The following WDR17 variants were observed in gnomAD, a reference collection of about 807,000 sequenced individuals.
WDR17 encodes the protein WD repeat domain 17.
WDR17 carries 143 observed loss-of-function variants against 161.7 expected under a neutral mutation model. That is an observed-to-expected ratio of 0.88 (90% CI 0.77 to 1.02). WDR17 has a LOEUF of 1.02. Ranked by LOEUF, WDR17 falls within the 50% of genes least tolerant of loss-of-function variation. The pLI is 0.00. For synonymous variants in WDR17, 517 were observed against 515.6 expected (o/e 1.00, Z -0.04); for missense variants, 1,469 against 1,520.9 (o/e 0.97, Z 0.57).
chr4:176,072,638 T>C (rs1196824746), intron 1 of WDR17, among the ~76,000 whole-genome samples: 2 of 152,216 alleles, frequency 1.3e-5, no homozygotes, highest in Non-Finnish European at 2.9e-5. Flanking sequence ...TCCTTTCATT[T>C]TTCTGCATTT....
chr4:176,095,689 T>C (rs575099588), intron 1 of WDR17, among the ~76,000 whole-genome samples: 1 of 152,202 alleles, frequency 6.6e-6, no homozygotes, highest in Non-Finnish European at 1.5e-5. Context: ...CCCTTCCTTC[T>C]TTCCTCGCTT....
At chr4:176,130,509 C>T (rs535476762) in intron 6 of WDR17, among the ~76,000 whole-genome samples, 6 of 152,196 alleles carry the variant, frequency 3.9e-5, no homozygotes, top group African/African-American at 9.6e-5. Flanking sequence ...CTTCGGGAGG[C>T]CAAGGCGGGC....
chr4:176,109,323 T>TA (rs879896575), intron 1 of WDR17, among the ~76,000 whole-genome samples: 173 of 145,070 alleles, frequency 1.2e-3, no homozygotes, highest in Middle Eastern at 3.5e-3. Flanking sequence ...TTACTAAGTG[T>TA]AAAAAAAAAA....
At chr4:176,073,906 T>C (rs1196080188) in intron 1 of WDR17, among the ~76,000 whole-genome samples, 1 of 150,672 alleles carries the variant, frequency 6.6e-6, no homozygotes, top group East Asian at 2.0e-4. Flanking sequence ...ATGTCTTCTT[T>C]TGAGAAATGT....
At chr4:176,156,058 C>A (rs1176680210) in intron 17 of WDR17, 21 bp from the exon 18 acceptor site, 1 of 1,611,940 alleles carries the variant, frequency 6.2e-7, no homozygotes, top group Admixed American at 1.7e-5. Context: ...ATGCTCCTGC[C>A]CTTTTTGCCT....
At chr4:176,163,406 T>C in intron 22 of WDR17, 113 bp downstream of exon 22, 1 of 1,176,410 alleles carries the variant, frequency 8.5e-7, no homozygotes, top group South Asian at 1.6e-5. Flanking sequence ...TCACCTTGTT[T>C]ATAAAGGATA....
At chr4:176,118,333 C>T (rs1052696193) in intron 3 of WDR17, among the ~76,000 whole-genome samples, 6 of 152,198 alleles carry the variant, frequency 3.9e-5, no homozygotes, top group Admixed American at 2.0e-4. Context: ...CTTTCCTCTA[C>T]TGTGCTGTGG....
chr4:176,168,585 A>T, intron 22 of WDR17, 87 bp from the exon 23 acceptor site: 1 of 1,490,198 alleles, frequency 6.7e-7, no homozygotes, highest in Non-Finnish European at 9.2e-7. Context: ...GTGGTATATT[A>T]TATGAATTGC....
At position 176,162,150 on chromosome 4, in the gene WDR17, C is replaced by T. The variant is rs779765892; in HGVS notation, c.2826C>T (p.Cys942=). Residue 942 remains cysteine, a synonymous_variant, in exon 21 of 29, where the codon TGC becomes TGT. Coordinates refer to ENST00000508596, the MANE Select transcript of WDR17 (RefSeq NM_181265.4). The stretch of plus-strand genomic sequence containing the variant: ...GTCGAGCAGTACTAGCCGCATGTTG[C>T]CATCTTGCCATAGATAATATTGAGG... The part of the protein sequence containing the change: ...QDGRAVLAAC[C]HLAIDNIELA... 2 of 1,612,584 alleles carry T rather than the reference C, an allele frequency of 1.2e-6. No individual in the cohort carries two copies. Among genetic ancestry groups the T allele is most frequent in the Admixed American group, 3.3e-5 (2 of 59,838 alleles).
chr4:176,087,932 C>A (rs1462235871), intron 1 of WDR17, among the ~76,000 whole-genome samples: 1 of 151,944 alleles, frequency 6.6e-6, no homozygotes, highest in Non-Finnish European at 1.5e-5. Context: ...CAACCTTTGC[C>A]CCCCAGGTTC....
Position 176,073,197 on chromosome 4 carries a change from G to T in WDR17, c.-7+7118G>T, listed in dbSNP as rs891455676. Among the ~76,000 whole-genome samples the T allele has an allele frequency of 6.6e-5, 10 of 152,110 alleles. No homozygotes were observed. In the East Asian group the frequency reaches 1.2e-3, roughly 18 times the overall value. ...TATACATGTGCCATGTTGGTGTGCT[G>T]CACCCATTAACTTGTCATTTAGCAT... is the stretch of plus-strand genomic sequence containing the variant. On this transcript the variant is annotated intron_variant, in intron 1 of 28. Transcript: ENST00000508596.
chr4:176,170,026 C>G (rs1196327602), intron 23 of WDR17, among the ~76,000 whole-genome samples: 1 of 152,100 alleles, frequency 6.6e-6, no homozygotes, highest in African/African-American at 2.4e-5. Context: ...TGTACACTAA[C>G]AGCTATCCTC....
intron 19 of WDR17, among the ~76,000 whole-genome samples, chr4:176,160,520 C>T (rs1444326864): frequency 2.0e-5 from 3 of 152,102 alleles, no homozygotes; most frequent in Non-Finnish European, 4.4e-5. Context: ...TGGGGTTTCA[C>T]CATGTTGGCC....
intron 5 of WDR17, among the ~76,000 whole-genome samples, 173 bp from the exon 6 acceptor site, chr4:176,128,565 G>C (rs1742822536): frequency 6.6e-6 from 1 of 152,018 alleles, no homozygotes; most frequent in Non-Finnish European, 1.5e-5. Context: ...AAATTTAAAG[G>C]TTAAATAGTA....
intron 7 of WDR17, among the ~76,000 whole-genome samples, chr4:176,131,941 C>T (rs7655215): frequency 0.25 from 38,669 of 151,792 alleles, 5,091 homozygotes; most frequent in African/African-American, 0.3. Flanking sequence ...CACTATACTT[C>T]AAAAGTCTTA....
chr4:176,126,429 CAA>C (rs936830793), intron 5 of WDR17, among the ~76,000 whole-genome samples: 25 of 152,116 alleles, frequency 1.6e-4, no homozygotes, highest in African/African-American at 6.0e-4. Context: ...AAATAATAGG[CAA>C]AGACTCTTTA....
At chr4:176,126,952 TGAG>T (rs1742544803) in intron 5 of WDR17, among the ~76,000 whole-genome samples, 1 of 152,226 alleles carries the variant, frequency 6.6e-6, no homozygotes, top group Admixed American at 6.5e-5. Context: ...GTAAGTTTCC[TGAG>T]GCCTCCTCAG....
Position 176,120,085 on chromosome 4 carries a change from A to AT in WDR17, c.531dup (p.His178SerfsTer4). The AT allele has an allele frequency of 6.2e-7, 1 of 1,612,998 alleles. No individual in the cohort carries two copies. Among genetic ancestry groups the AT allele is most frequent in the Admixed American group, 1.7e-5 (1 of 59,968 alleles). On this transcript the variant is annotated frameshift_variant, in exon 4 of 29. Transcript: ENST00000508596. LOFTEE classifies it high-confidence loss of function. ...TGGTCATATTGATGGAAGTCTATCA[A>AT]TTTTTCATCCAGGTAAGAATTTAAT...
chr4:176,111,534 T>TA (rs1418912377), intron 1 of WDR17, 41 bp from the exon 2 acceptor site: 2 of 1,589,286 alleles, frequency 1.3e-6, no homozygotes, highest in South Asian at 2.3e-5. Context: ...AGTTTATCAA[T>TA]AATGGAAATC....
Sources: gnomAD v4.1 joint callset for allele counts (sites outside exome capture counted in the v4.1 genomes callset) on GRCh38, gnomAD v4.1.1 for gene constraint, MANE v1.5 for transcripts, NCBI Gene and HGNC (gene_info 2026-07-23, HGNC 2026-07-21) for gene names.